Variants in ATP6V0A4 observed in about 807,000 individuals in gnomAD.
The protein encoded by ATP6V0A4 is ATPase H+ transporting V0 subunit a4, also known as V-type proton ATPase 116 kDa subunit a 4.
A neutral mutation model predicts 107.3 loss-of-function variants in ATP6V0A4; 86 were observed. The ratio of observed to expected loss-of-function variants is 0.80; its 90% CI spans 0.67 to 0.96. The LOEUF (loss-of-function observed/expected upper bound fraction) is 0.96, where lower values mean the gene tolerates loss of function less well. Among genes scored for constraint, ATP6V0A4 ranks in the 40% least tolerant of loss-of-function variants. The pLI is 0.00. For missense variants in ATP6V0A4, 908 were observed against 1,045.6 expected, an observed-to-expected ratio of 0.87 and a Z score of 1.81; for synonymous variants, 353 against 381.4, an observed-to-expected ratio of 0.93 and a Z score of 0.87.
At chr7:138,732,101 G>A (rs925961195) in intron 17 of ATP6V0A4, among the ~76,000 whole-genome samples, 4 of 152,020 alleles carry the variant, frequency 2.6e-5, no homozygotes, top group African/African-American at 7.2e-5. Flanking sequence ...AGTTTGATTC[G>A]TGCTTTTCCA....
chr7:138,709,621 T>C lies in ATP6V0A4; in HGVS notation c.2429+3A>G. The C allele has an allele frequency of 6.2e-7, 1 of 1,612,034 alleles. No homozygotes were observed. The highest frequency in any genetic ancestry group is 8.5e-7 in the Non-Finnish European group (1 of 1,178,820). On this transcript the variant is annotated splice_donor_region_variant and intron_variant, in intron 21 of 21. Coordinates refer to ENST00000310018, the MANE Select transcript of ATP6V0A4 (RefSeq NM_020632.3). ...TGAGCTTCCAGGGGACAACCATCCT[T>C]ACCAGTGCAGTCGCAGGGCGTGCAG...
At chr7:138,797,091 GACACTTCCTT>G (rs1808707113) in intron 1 of ATP6V0A4, among the ~76,000 whole-genome samples, 1 of 151,858 alleles carries the variant, frequency 6.6e-6, no homozygotes, top group Non-Finnish European at 1.5e-5. Flanking sequence ...GCCACCCTCT[GACACTTCCTT>G]ACCTCTGGAC....
chr7:138,778,313 A>G (rs1423112392), intron 2 of ATP6V0A4, among the ~76,000 whole-genome samples: 1 of 115,790 alleles, frequency 8.6e-6, no homozygotes, highest in Non-Finnish European at 1.9e-5. Flanking sequence ...GTGAGCCAAG[A>G]TCGCGCCACT....
chr7:138,796,451 G>A (rs549929426), intron 1 of ATP6V0A4, among the ~76,000 whole-genome samples: 155 of 152,164 alleles, frequency 1.0e-3, no homozygotes, highest in African/African-American at 3.5e-3. Context: ...GCTTACTCAC[G>A]CCTTCTATGT....
intron 15 of ATP6V0A4, among the ~76,000 whole-genome samples, chr7:138,736,270 T>A (rs950927041): frequency 6.6e-6 from 1 of 151,954 alleles, no homozygotes; most frequent in African/African-American, 2.4e-5. Context: ...AAAAAGAAAA[T>A]TTTAAAATGT....
rs533159002 is a variant in ATP6V0A4 at position 138,709,226 on chromosome 7, A to G, written c.2429+398T>C. On this transcript the variant is annotated intron_variant, in intron 21 of 21. Transcript: ENST00000310018. Reference sequence around the variant, plus strand: ...CCTGTCTCAAAAAAAAAAAAAAAAAAAAAAAGCCAAATATTCCAGATTTTC... The same window carrying G: ...CCTGTCTCAAAAAAAAAAAAAAAAAGAAAAAGCCAAATATTCCAGATTTTC... Among the ~76,000 whole-genome samples the G allele has an allele frequency of 6.7e-3, 1,022 of 151,408 alleles. 11 individuals carry two copies. Among genetic ancestry groups the G allele is most frequent in the African/African-American group, 0.023 (959 of 41,254 alleles).
chr7:138,749,018 A>G, intron 12 of ATP6V0A4, 149 bp downstream of exon 12: 2 of 1,066,462 alleles, frequency 1.9e-6, no homozygotes, highest in Admixed American at 3.5e-5. Flanking sequence ...TGCCCCTACT[A>G]TCCTACTTAT....
At chr7:138,756,925 C>G (rs1270620289) in intron 8 of ATP6V0A4, among the ~76,000 whole-genome samples, 4 of 152,170 alleles carry the variant, frequency 2.6e-5, no homozygotes, top group African/African-American at 9.7e-5. Flanking sequence ...TTAATTAACA[C>G]ACAACACCGA....
At chr7:138,778,123 C>T (rs1452941818) in intron 2 of ATP6V0A4, among the ~76,000 whole-genome samples, 1 of 152,088 alleles carries the variant, frequency 6.6e-6, no homozygotes, top group Non-Finnish European at 1.5e-5. Flanking sequence ...CCTGTAATCC[C>T]AGCACTTTGG....
intron 5 of ATP6V0A4, among the ~76,000 whole-genome samples, chr7:138,764,681 G>A (rs1292641561): frequency 6.6e-6 from 1 of 152,160 alleles, no homozygotes; most frequent in Non-Finnish European, 1.5e-5. Context: ...AACTGAAAAA[G>A]CCAGTGAATC....
chr7:138,778,219 C>CA (rs896292951), intron 2 of ATP6V0A4, among the ~76,000 whole-genome samples: 6 of 151,748 alleles, frequency 4.0e-5, no homozygotes, highest in African/African-American at 1.5e-4. Flanking sequence ...ACTAAAAATA[C>CA]AAAAAAATTA....
At chr7:138,708,161 C>T (rs1018443370) in intron 21 of ATP6V0A4, among the ~76,000 whole-genome samples, 1 of 151,930 alleles carries the variant, frequency 6.6e-6, no homozygotes, top group Non-Finnish European at 1.5e-5. Flanking sequence ...CAGCCATTCT[C>T]CTGCCTCAGC....
intron 9 of ATP6V0A4, 127 bp downstream of exon 9, chr7:138,756,331 T>C (rs760148884): frequency 1.3e-6 from 2 of 1,498,460 alleles, no homozygotes; most frequent in Non-Finnish European, 1.8e-6. Context: ...CTGACTTTTA[T>C]GTGAGAAAGT....
Position 138,715,855 on chromosome 7 carries a change from G to A in ATP6V0A4, c.2166C>T (p.His722=). Residue 722 remains histidine (H), a synonymous_variant, in exon 20 of 22, where the codon CAC becomes CAT. Coordinates refer to ENST00000310018, the MANE Select transcript of ATP6V0A4 (RefSeq NM_020632.3). ...AGTACTCGATGGTGTGGATGGCTTGGTGGACAAAGACGTCTCCAAAGTTGA... is the reference window on the plus strand; with the variant it reads ...AGTACTCGATGGTGTGGATGGCTTGATGGACAAAGACGTCTCCAAAGTTGA... The part of the protein sequence containing the change: ...EEFNFGDVFV[H]QAIHTIEYCL... The A allele has an allele frequency of 6.2e-7, 1 of 1,613,676 alleles. No homozygotes were observed. The highest frequency in any genetic ancestry group is 1.1e-5 in the South Asian group (1 of 91,056).
At chr7:138,739,008 C>T (rs770148297) in intron 15 of ATP6V0A4, among the ~76,000 whole-genome samples, 18 of 152,114 alleles carry the variant, frequency 1.2e-4, no homozygotes, top group Non-Finnish European at 2.2e-4. Context: ...CTACAGGCTG[C>T]GAGGAAGTAT....
chr7:138,780,128 T>G (rs1407256252), intron 2 of ATP6V0A4: 1 of 152,164 alleles, frequency 6.6e-6, no homozygotes, highest in African/African-American at 2.4e-5. Context: ...TGACCCTAAT[T>G]ATAGAGCAGG....
intron 7 of ATP6V0A4, 60 bp downstream of exon 7, chr7:138,762,280 C>T: frequency 1.0e-5 from 16 of 1,576,492 alleles, no homozygotes; most frequent in Non-Finnish European, 1.4e-5. Flanking sequence ...CGTTCATTCA[C>T]TCACTCAGAA....
At chr7:138,730,579 G>T (rs1431935595) in intron 17 of ATP6V0A4, among the ~76,000 whole-genome samples, 1 of 152,150 alleles carries the variant, frequency 6.6e-6, no homozygotes, top group African/African-American at 2.4e-5. Context: ...TGGAAAAAAA[G>T]TTGGATAAGC....
At chr7:138,715,915 A>G (rs756622479) in intron 19 of ATP6V0A4, 34 bp from the exon 20 acceptor site, 1 of 1,608,808 alleles carries the variant, frequency 6.2e-7, no homozygotes, top group South Asian at 1.1e-5. Context: ...TACTTCATTG[A>G]GAATTTTCTA....
Sources: allele counts gnomAD v4.1 joint callset (sites outside exome capture counted in the v4.1 genomes callset), GRCh38; gene constraint gnomAD v4.1.1; transcripts MANE v1.5; gene names NCBI Gene and HGNC (gene_info 2026-07-23, HGNC 2026-07-21).